Variants in GALNT12 observed in about 807,000 individuals in gnomAD.
GALNT12 encodes UDP-GalNAc:polypeptide N-acetylgalactosaminyltransferase 12.
Under a neutral mutation model 55.5 loss-of-function variants are expected in GALNT12, and 45 were observed. The ratio of observed to expected loss-of-function variants is 0.81; its 90% confidence interval spans 0.64 to 1.04. The LOEUF is 1.04. Among genes scored for constraint, GALNT12 ranks in the 50% least tolerant of loss-of-function variants. GALNT12 has a pLI of 0.00. For missense variants in GALNT12, 709 were observed against 754.8 expected, an observed-to-expected ratio of 0.94 and a Z score of 0.71; for synonymous variants, 304 against 312.2, an observed-to-expected ratio of 0.97 and a Z score of 0.28.
intron 6 of GALNT12, among the ~76,000 whole-genome samples, chr9:98,837,358 C>T (rs1269510427): frequency 6.6e-6 from 1 of 152,138 alleles, no homozygotes; most frequent in Admixed American, 6.5e-5. Context: ...CATAAAGCCA[C>T]CACAAATGCT....
intron 3 of GALNT12, 147 bp from the exon 4 acceptor site, chr9:98,831,625 G>C: frequency 2.1e-6 from 2 of 963,078 alleles, no homozygotes; most frequent in Non-Finnish European, 3.3e-6. Context: ...CACGGCTGCA[G>C]ACACCTGGAA....
At chr9:98,811,988 G>A (rs982501445) in intron 1 of GALNT12, among the ~76,000 whole-genome samples, 1 of 152,108 alleles carries the variant, frequency 6.6e-6, no homozygotes, top group African/African-American at 2.4e-5. Context: ...CAGCCTCAAA[G>A]TGGTTCTAAA....
chr9:98,846,204 C>A, intron 9 of GALNT12, 81 bp downstream of exon 9: 1 of 1,544,254 alleles, frequency 6.5e-7, no homozygotes, highest in Non-Finnish European at 8.9e-7. Context: ...TTCTCTCTGG[C>A]ATAGTCCTGG....
At chr9:98,814,411 A>G (rs1554754346) in intron 1 of GALNT12, among the ~76,000 whole-genome samples, 1 of 152,072 alleles carries the variant, frequency 6.6e-6, no homozygotes, top group Non-Finnish European at 1.5e-5. Flanking sequence ...TATAAAGATA[A>G]AAGAAGATCA....
intron 6 of GALNT12, among the ~76,000 whole-genome samples, chr9:98,839,343 A>G (rs1287617358): frequency 1.3e-5 from 2 of 152,218 alleles, no homozygotes; most frequent in African/African-American, 4.8e-5. Flanking sequence ...TAATTGTTTA[A>G]CATGACAGTG....
chr9:98,812,046 A>G (rs180801117), intron 1 of GALNT12, among the ~76,000 whole-genome samples: 10 of 152,332 alleles, frequency 6.6e-5, no homozygotes, highest in African/African-American at 1.9e-4. Flanking sequence ...AGAAGGGAGT[A>G]GGACATTAGA....
At position 98,837,230 on chromosome 9, in the gene GALNT12, T is replaced by C. The variant is rs1002333620; in HGVS notation, c.1212+82T>C. The C allele has an allele frequency of 2.2e-6, 3 of 1,336,120 alleles. No homozygotes were observed. The African/African-American group carries it at 4.3e-5, about 19-fold the overall frequency. The allele number at this position is 1,336,120 out of a possible 1,614,324, so 82.8% of individuals were successfully genotyped here. On this transcript the variant is annotated intron_variant, in intron 6 of 9. Transcript: ENST00000375011. The stretch of plus-strand genomic sequence containing the variant: ...ATCGTGGCTTCCCCAACATAGTCGA[T>C]CTGGTTCCAGAAATAGAGAATAAAT...
At chr9:98,814,538 C>T (rs1392212847) in intron 1 of GALNT12, among the ~76,000 whole-genome samples, 2 of 151,956 alleles carry the variant, frequency 1.3e-5, no homozygotes, top group Non-Finnish European at 2.9e-5. Context: ...GGCGAAACCA[C>T]GTCTTTACTA....
At chr9:98,813,196 G>C (rs557123589) in intron 1 of GALNT12, among the ~76,000 whole-genome samples, 1 of 152,218 alleles carries the variant, frequency 6.6e-6, no homozygotes, top group African/African-American at 2.4e-5. Context: ...TTTTTATTTT[G>C]CTCTTGTTCA....
intron 5 of GALNT12, 28 bp downstream of exon 5, chr9:98,835,394 A>T (rs2118439519): frequency 7.4e-7 from 1 of 1,359,780 alleles, no homozygotes; most frequent in East Asian, 2.3e-5. Context: ...CTCTTTGGAC[A>T]TGTTCTTAAC....
At chr9:98,833,322 C>A (rs753787585) in intron 4 of GALNT12, among the ~76,000 whole-genome samples, 1 of 152,156 alleles carries the variant, frequency 6.6e-6, no homozygotes, top group African/African-American at 2.4e-5. Context: ...CTTCTGAATT[C>A]TTTCACCAGA....
chr9:98,838,631 C>T (rs972997384), intron 6 of GALNT12, among the ~76,000 whole-genome samples: 2 of 152,246 alleles, frequency 1.3e-5, no homozygotes, highest in Non-Finnish European at 2.9e-5. Context: ...TCTTGGGCTT[C>T]AGATGAAACA....
At chr9:98,832,532 T>C (rs1279480369) in intron 4 of GALNT12, among the ~76,000 whole-genome samples, 1 of 152,054 alleles carries the variant, frequency 6.6e-6, no homozygotes, top group Admixed American at 6.6e-5. Context: ...AAAAAATAAA[T>C]AAATAAAACA....
At chr9:98,831,664 C>A in intron 3 of GALNT12, 108 bp from the exon 4 acceptor site, 1 of 1,237,352 alleles carries the variant, frequency 8.1e-7, no homozygotes, top group Non-Finnish European at 1.2e-6. Context: ...CTCAGATGTT[C>A]CTCCCTCTTA....
Position 98,849,221 on chromosome 9 carries a change from T to C in GALNT12, c.*129T>C. On this transcript the variant is annotated 3_prime_UTR_variant, in exon 10 of 10. Coordinates refer to ENST00000375011, the MANE Select transcript of GALNT12 (RefSeq NM_024642.5). The stretch of plus-strand genomic sequence containing the variant: ...GCATTGCTTTGAAGAGGCAATCATT[T>C]TGCCATTTGTGAAAGTTGTGTTGGA... 1 of 887,606 alleles carries C rather than the reference T, an allele frequency of 1.1e-6. No homozygotes were observed. The highest frequency in any genetic ancestry group is 1.8e-6 in the Non-Finnish European group (1 of 550,772). 55.0% of individuals were successfully genotyped at this position (887,606 alleles called of 1,614,324 possible).
At chr9:98,811,771 C>A (rs1326786441) in intron 1 of GALNT12, among the ~76,000 whole-genome samples, 2 of 151,622 alleles carry the variant, frequency 1.3e-5, no homozygotes, top group African/African-American at 4.9e-5. Flanking sequence ...CAACCTCCAC[C>A]TCCTGGGTTC....
At chr9:98,827,392 G>T (rs137984488) in intron 3 of GALNT12, among the ~76,000 whole-genome samples, 1 of 151,976 alleles carries the variant, frequency 6.6e-6, no homozygotes, top group Non-Finnish European at 1.5e-5. Context: ...GTAGAGATGG[G>T]GTTTCACTGC....
At chr9:98,814,724 T>C (rs1483057211) in intron 1 of GALNT12, among the ~76,000 whole-genome samples, 1 of 151,716 alleles carries the variant, frequency 6.6e-6, no homozygotes, top group Non-Finnish European at 1.5e-5. Context: ...AGGCATTTAC[T>C]GTATCCATTA....
chr9:98,824,812 T>C (rs990791899), intron 2 of GALNT12, among the ~76,000 whole-genome samples: 2 of 152,198 alleles, frequency 1.3e-5, no homozygotes, highest in Non-Finnish European at 2.9e-5. Flanking sequence ...ATAAATGGGA[T>C]CATGTATAGG....
Sources: gnomAD v4.1 joint callset for allele counts (sites outside exome capture counted in the v4.1 genomes callset) on GRCh38, gnomAD v4.1.1 for gene constraint, MANE v1.5 for transcripts, NCBI Gene and HGNC (gene_info 2026-07-23, HGNC 2026-07-21) for gene names.